The following CHST7 variants were observed in gnomAD, a reference collection of about 807,000 sequenced individuals.
CHST7 encodes the protein N-acetylglucosamine 6-O-sulfotransferase 4.
Under a neutral mutation model 9.0 loss-of-function variants are expected in CHST7, and 5 were observed. The observed-to-expected ratio is 0.56, with a 90% CI of 0.29 to 1.17. The LOEUF (loss-of-function observed/expected upper bound fraction) is 1.17. Among genes scored for constraint, CHST7 ranks in the 50% most tolerant of loss-of-function variants. The probability of loss-of-function intolerance (pLI) is 0.08; values close to 1 mark genes in which losing one functional copy is unlikely to be tolerated. For synonymous variants in CHST7, 244 were observed against 237.1 expected, an observed-to-expected ratio of 1.03 and a Z score of -0.27; for missense variants, 377 against 485.1, an observed-to-expected ratio of 0.78 and a Z score of 2.09.
chrX:46,574,472 G>A lies in CHST7; in HGVS notation c.541G>A (p.Ala181Thr). Residue 181 changes from alanine to threonine, a missense_variant, in exon 1 of 2, where the codon GCC (alanine) becomes ACC (threonine). By Grantham distance (58) the Ala-to-Thr change is moderately conservative. Transcript: ENST00000276055. ...YAPPGDPAARAPDTANLTTAA... is the reference protein window; with the variant it reads ...YAPPGDPAARTPDTANLTTAA... Reference sequence around the variant, plus strand: ...GCCGCCGGGGGACCCCGCTGCGCGCGCCCCGGACACGGCCAATCTTACCAC... The same window carrying A: ...GCCGCCGGGGGACCCCGCTGCGCGCACCCCGGACACGGCCAATCTTACCAC... 1 of 1,206,403 alleles carries A rather than the reference G, an allele frequency of 8.3e-7. No individual in the cohort carries two copies.
chrX:46,594,943 C>T, intron 1 of CHST7, among the ~76,000 whole-genome samples: 1 of 111,416 alleles, frequency 9.0e-6, no homozygotes, highest in African/African-American at 3.3e-5. Flanking sequence ...TTTTTTAACT[C>T]TATTTTCTGT....
In CHST7 at chrX:46,574,483, G is replaced by T. The variant is rs774424444; in HGVS notation, c.552G>T (p.Thr184=). 2 of 1,205,721 alleles carry T rather than the reference G, an allele frequency of 1.7e-6. No homozygotes were observed. The highest frequency in any genetic ancestry group is 2.3e-4 in the Middle Eastern group (1 of 4,343). ...PGDPAARAPD[T]ANLTTAALFR... is the part of the protein sequence containing the mutation. ...ACCCCGCTGCGCGCGCCCCGGACAC[G>T]GCCAATCTTACCACGGCCGCCCTCT... Residue 184 remains threonine (T), a synonymous_variant, in exon 1 of 2, where the codon ACG becomes ACT. Coordinates refer to ENST00000276055, the MANE Select transcript of CHST7 (RefSeq NM_019886.4).
At chrX:46,581,005 C>T (rs180991062) in intron 1 of CHST7, among the ~76,000 whole-genome samples, 33 of 110,651 alleles carry the variant, frequency 3.0e-4, no homozygotes, top group Admixed American at 2.0e-3. Flanking sequence ...GAAGCTGAGG[C>T]GGGCGGATCA....
At chrX:46,589,317 G>A (rs1238816959) in intron 1 of CHST7, among the ~76,000 whole-genome samples, 3 of 111,410 alleles carry the variant, frequency 2.7e-5, no homozygotes, top group East Asian at 5.6e-4. Flanking sequence ...TGGGAGGCCA[G>A]GGTGGGCAGA....
intron 1 of CHST7, among the ~76,000 whole-genome samples, chrX:46,576,713 C>G (rs1277392497): frequency 8.9e-6 from 1 of 111,898 alleles, no homozygotes; most frequent in African/African-American, 3.3e-5. Context: ...AGTTTCCATT[C>G]ATTATTTTAT....
Position 46,598,442 on chromosome X carries a change from T to G in CHST7, c.*714T>G, listed in dbSNP as rs1180173671. 4 of 112,607 alleles carry G rather than the reference T, an allele frequency of 3.6e-5. No homozygotes were observed. The highest frequency in any genetic ancestry group is 5.6e-5 in the Non-Finnish European group (3 of 53,308). The allele number at this position is 112,607 out of a possible 1,213,427, so 9.3% of individuals were successfully genotyped here. A position where few individuals can be genotyped will look rare whatever the true frequency, so the allele number is the denominator to read the frequency against. On this transcript the variant is annotated 3_prime_UTR_variant, in exon 2 of 2. Transcript: ENST00000276055. ...GTTTGGATGCAGTTCAATTGCATGG[T>G]TTGGGTAAAAGCTAGCCTACATACA...
chrX:46,596,644 A>G (rs765882887), intron 1 of CHST7, among the ~76,000 whole-genome samples: 1 of 112,098 alleles, frequency 8.9e-6, no homozygotes, highest in South Asian at 3.7e-4. Flanking sequence ...CTAGCAAAAT[A>G]CTAAAGATTT....
At chrX:46,575,936 C>T (rs1942497432) in intron 1 of CHST7, among the ~76,000 whole-genome samples, 1 of 111,399 alleles carries the variant, frequency 9.0e-6, no homozygotes, top group Admixed American at 9.5e-5. Flanking sequence ...TGATTCTAAC[C>T]CTACCTATCC....
chrX:46,594,054 C>T (rs1167322500), intron 1 of CHST7, among the ~76,000 whole-genome samples: 2 of 112,063 alleles, frequency 1.8e-5, no homozygotes, highest in African/African-American at 3.2e-5. Flanking sequence ...TTTACCTTTC[C>T]GTTGTTCTTT....
At chrX:46,596,862 G>T (rs1942596508) in intron 1 of CHST7, among the ~76,000 whole-genome samples, 1 of 108,766 alleles carries the variant, frequency 9.2e-6, no homozygotes, top group Non-Finnish European at 1.9e-5. Flanking sequence ...CAGGAGAATT[G>T]CTGGAACTCA....
At chrX:46,581,250 A>T (rs1348267328) in intron 1 of CHST7, among the ~76,000 whole-genome samples, 3 of 68,077 alleles carry the variant, frequency 4.4e-5, no homozygotes, top group African/African-American at 1.2e-4. Flanking sequence ...AAAAAAAAAA[A>T]ATAATAATAA....
Position 46,573,975 on chromosome X carries a change from C to T in CHST7, c.44C>T (p.Ala15Val). 1 of 1,156,382 alleles carries T rather than the reference C, an allele frequency of 8.6e-7. No individual in the cohort carries two copies. The highest frequency in any genetic ancestry group is 1.1e-6 in the Non-Finnish European group (1 of 873,228). ...CGACGCCGAGAGTACTGCAAGTTCG[C>T]GCTGCTGTTGGTGCTGTACACGCTG... is the stretch of plus-strand genomic sequence containing the variant. ...RRRRREYCKF[A>V]LLLVLYTLVL... Residue 15 changes from alanine to valine, a missense_variant, in exon 1 of 2, where the codon GCG becomes GTG. By Grantham distance (64) the Ala-to-Val change is moderately conservative. This residue lies in a region of CHST7 where 239 missense variants were observed against 325.7 expected (regional missense o/e 0.73). Coordinates refer to ENST00000276055, the MANE Select transcript of CHST7 (RefSeq NM_019886.4).
At chrX:46,575,499 G>T in intron 1 of CHST7, 76 bp downstream of exon 1, 1 of 840,331 alleles carries the variant, frequency 1.2e-6, no homozygotes, top group Non-Finnish European at 1.5e-6. Context: ...AGGGGGAAGT[G>T]TAGGGGGGAG....
At chrX:46,594,240 G>A (rs1363412606) in intron 1 of CHST7, among the ~76,000 whole-genome samples, 1 of 111,842 alleles carries the variant, frequency 8.9e-6, no homozygotes, top group African/African-American at 3.2e-5. Context: ...TAGAAATCTG[G>A]ATCGAGGCTG....
chrX:46,575,008 G>T lies in CHST7; in HGVS notation c.1077G>T (p.Ala359=). 2 of 1,130,797 alleles carry T rather than the reference G, an allele frequency of 1.8e-6. No individual in the cohort carries two copies. Among genetic ancestry groups the T allele is most frequent in the Non-Finnish European group, 2.3e-6 (2 of 866,257 alleles). 93.2% of individuals were successfully genotyped at this position (1,130,797 alleles called of 1,213,427 possible). A position where few individuals can be genotyped will look rare whatever the true frequency, so the allele number is the denominator to read the frequency against. Residue 359 remains alanine, a synonymous_variant, in exon 1 of 2, where the codon GCG becomes GCT. Coordinates refer to ENST00000276055, the MANE Select transcript of CHST7 (RefSeq NM_019886.4). The stretch of plus-strand genomic sequence containing the variant: ...CCTGGCTGCGCGATCTGCTTTTCGC[G>T]CGCGGCGCGCCCGCCTGGCTGCGGC... ...CEAWLRDLLF[A]RGAPAWLRRR...
rs780129932 is a variant in CHST7, at chrX:46,574,700, C to A, written c.769C>A (p.Leu257Met). The change falls in exon 1 of 2, where the codon CTG becomes ATG. Residue 257 changes from leucine to methionine, a missense_variant. This residue lies in a region of CHST7 where 239 missense variants were observed against 325.7 expected (regional missense o/e 0.73). Coordinates refer to ENST00000276055, the MANE Select transcript of CHST7 (RefSeq NM_019886.4). ...VVIKDVRLLD[L>M]GVLVPLLRDP... ...CATCAAGGACGTGCGCCTGCTCGAT[C>A]TGGGCGTGCTGGTGCCCCTGTTGCG... The A allele has an allele frequency of 8.3e-7, 1 of 1,208,183 alleles. No individual in the cohort carries two copies. Among genetic ancestry groups the A allele is most frequent in the Non-Finnish European group, 1.1e-6 (1 of 893,983 alleles).
Position 46,598,383 on chromosome X carries a change from ACT to A in CHST7, c.*658_*659del, listed in dbSNP as rs1942609119. On this transcript the variant is annotated 3_prime_UTR_variant, in exon 2 of 2. Transcript: ENST00000276055. ...GTTTTTGTAATCATACTATTAAATG[ACT>A]CTGGAGTCATGTTAATGACAGGATT... 1 of 112,131 alleles carries A rather than the reference ACT, an allele frequency of 8.9e-6. No homozygotes were observed. Among genetic ancestry groups the A allele is most frequent in the Admixed American group, 9.4e-5 (1 of 10,592 alleles). The allele number at this position is 112,131 out of a possible 1,213,427, so 9.2% of individuals were successfully genotyped here. A position where few individuals can be genotyped will look rare whatever the true frequency, so the allele number is the denominator to read the frequency against.
chrX:46,574,134 G>A lies in CHST7; in HGVS notation c.203G>A (p.Gly68Glu), dbSNP rs754310332. Residue 68 changes from glycine (G) to glutamate (E), a missense_variant, in exon 1 of 2, where the codon GGA (glycine) becomes GAA (glutamate). Gly to Glu is a moderately conservative substitution (Grantham distance 98). This residue lies in a region of CHST7 where 239 missense variants were observed against 325.7 expected (regional missense o/e 0.73). Transcript: ENST00000276055. The part of the protein sequence containing the change: ...EAAAAGEREQ[G>E]AEARAAEEGG... Reference sequence around the variant, plus strand: ...GCGGCGGCCGGCGAACGCGAGCAGGGAGCGGAGGCGCGGGCCGCCGAGGAA... The same window carrying A: ...GCGGCGGCCGGCGAACGCGAGCAGGAAGCGGAGGCGCGGGCCGCCGAGGAA... The A allele has an allele frequency of 6.9e-6, 8 of 1,163,154 alleles. No homozygotes were observed. The highest frequency in any genetic ancestry group is 3.2e-5 in the East Asian group (1 of 30,847).
intron 1 of CHST7, among the ~76,000 whole-genome samples, chrX:46,587,360 G>C (rs1321390923): frequency 9.0e-6 from 1 of 110,523 alleles, no homozygotes; most frequent in African/African-American, 3.3e-5. Flanking sequence ...CCAGAGTTTT[G>C]TCTTTTTGTT....
Sources: gnomAD v4.1 joint callset for allele counts (sites outside exome capture counted in the v4.1 genomes callset) on GRCh38, gnomAD v4.1.1 for gene constraint, gnomAD v4.1.1 regional missense constraint, MANE v1.5 for transcripts, NCBI Gene and HGNC (gene_info 2026-07-23, HGNC 2026-07-21) for gene names.